Variants in MYH8 observed in about 807,000 individuals in gnomAD.
MYH8 encodes myosin heavy chain 8, also known as myosin-8.
MYH8 carries 168 observed loss-of-function variants against 233.2 expected under a neutral mutation model. That is an observed-to-expected ratio of 0.72 (90% CI 0.64 to 0.82). The LOEUF (loss-of-function observed/expected upper bound fraction) is 0.82, where lower values mean the gene tolerates loss of function less well. MYH8 is among the 40% of genes least tolerant of loss of function. The pLI is 0.00. For missense variants in MYH8, 1,995 were observed against 2,327.8 expected, an observed-to-expected ratio of 0.86 and a Z score of 2.94; for synonymous variants, 785 against 850.6, an observed-to-expected ratio of 0.92 and a Z score of 1.34.
chr17:10,396,986 C>T lies in MYH8; in HGVS notation c.4179G>A (p.Lys1393=). 6.2e-7 allele frequency: 1 copy of T among 1,614,174 alleles called. No individual in the cohort carries two copies. The highest frequency in any genetic ancestry group is 1.1e-5 in the South Asian group (1 of 91,074). ...IQRTEELEEA[K]KKLAQRLQEA... ...CTTGCAGGCGCTGGGCCAACTTTTT[C>T]CTGAAAAGTTAGCCAGGCAGTCAGG... The change falls in exon 31 of 40, where the codon AAG becomes AAA. Residue 1393 remains lysine, a splice_region_variant and synonymous_variant. Transcript: ENST00000403437. This position sits in a 1 kb window ranked among gnomAD's most constrained non-coding sequence, Gnocchi z 4.2.
At position 10,420,220 on chromosome 17, in the gene MYH8, G is replaced by A. The variant is rs1170581501; in HGVS notation, c.8C>T (p.Ala3Val). The stretch of plus-strand genomic sequence containing the variant: ...AACAGCCATCTCAGCGTCTGAGCTC[G>A]CACTCATGGCTGCGATTTATTTAGC... MS[A>V]SSDAEMAVFG... is the part of the protein sequence containing the mutation. The change falls in exon 3 of 40, where the codon GCG (alanine) becomes GTG (valine). Residue 3 changes from alanine to valine, a missense_variant. Physicochemically the swap from Ala to Val is moderately conservative, Grantham distance 64 (BLOSUM62 0). Around this residue, in one of 3 missense-constraint regions of MYH8, gnomAD observed 479 missense variants for 600.9 expected, o/e 0.80. Coordinates refer to ENST00000403437, the MANE Select transcript of MYH8 (RefSeq NM_002472.3). 2.5e-6 allele frequency: 4 copies of A among 1,612,922 alleles called. No individual in the cohort carries two copies. In the South Asian group the frequency reaches 3.3e-5, roughly 13 times the overall value.
intron 37 of MYH8, 40 bp downstream of exon 37, chr17:10,392,791 C>G (rs949402573): frequency 6.2e-7 from 1 of 1,613,994 alleles, no homozygotes; most frequent in Admixed American, 1.7e-5. Flanking sequence ...AGAGAGTGCC[C>G]TTTTTCCCTT....
intron 5 of MYH8, among the ~76,000 whole-genome samples, chr17:10,416,602 T>C (rs1464599094): frequency 6.6e-6 from 1 of 152,238 alleles, no homozygotes; most frequent in African/African-American, 2.4e-5. Flanking sequence ...CTCCAGTTCT[T>C]GTCAAAACTT....
chr17:10,410,784 A>G lies in MYH8; in HGVS notation c.1580T>C (p.Ile527Thr), dbSNP rs769185512. The change falls in exon 15 of 40, where the codon ATT (isoleucine) becomes ACT (threonine). Residue 527 changes from isoleucine to threonine, a missense_variant. Around this residue, in one of 3 missense-constraint regions of MYH8, gnomAD observed 1,498 missense variants for 1,680.9 expected, o/e 0.89. Coordinates refer to ENST00000403437, the MANE Select transcript of MYH8 (RefSeq NM_002472.3). ...TTTGGAAACCAAACCGACCTTCTCA[A>G]TGAGCTCAATGCAGGCAGCCAGGTC... ...GMDLAACIEL[I>T]EKPLGIFSIL... 8.7e-6 allele frequency: 14 copies of G among 1,613,956 alleles called. No individual in the cohort carries two copies. The highest frequency in any genetic ancestry group is 2.2e-5 in the South Asian group (2 of 91,074).
Position 10,417,173 on chromosome 17 carries a change from C to T in MYH8, c.512-1465G>A, listed in dbSNP as rs530432019. ...ATTTCTAAATAATAAAAACAAATGT[C>T]ACTAATTATGTGACTGATATGTTGT... On this transcript the variant is annotated intron_variant, in intron 5 of 39. Transcript: ENST00000403437. The surrounding 1 kb of genome is among the most constrained non-coding windows in gnomAD (Gnocchi z 4.1). Among the ~76,000 whole-genome samples the T allele has an allele frequency of 2.8e-3, 428 of 152,266 alleles. 1 individual carries two copies. Among genetic ancestry groups the T allele is most frequent in the Non-Finnish European group, 5.1e-3 (347 of 68,016 alleles).
Position 10,404,514 on chromosome 17 carries a change from A to C in MYH8, c.2504T>G (p.Leu835Arg). ...MNVKHWPWMK[L>R]FFKIKPLLKS... ...GAGGAGGGGCTTAATCTTGAAAAAG[A>C]GTTTCATCCAGGGCCAGTGCTTGAC... Residue 835 changes from leucine to arginine, a missense_variant, in exon 22 of 40, where the codon CTC becomes CGC. Leu to Arg is a moderately radical substitution (Grantham distance 102). Around this residue, in one of 3 missense-constraint regions of MYH8, gnomAD observed 1,498 missense variants for 1,680.9 expected, o/e 0.89. Transcript: ENST00000403437. 6.2e-7 allele frequency: 1 copy of C among 1,614,008 alleles called. No homozygotes were observed. The highest frequency in any genetic ancestry group is 8.5e-7 in the Non-Finnish European group (1 of 1,179,952).
intron 39 of MYH8, among the ~76,000 whole-genome samples, chr17:10,391,616 G>A (rs1242634760): frequency 6.6e-6 from 1 of 152,104 alleles, no homozygotes; most frequent in Non-Finnish European, 1.5e-5. Flanking sequence ...GGAGGCAGAG[G>A]TTGCAGTGAG....
chr17:10,410,380 G>A (rs36049783), intron 15 of MYH8, among the ~76,000 whole-genome samples: 62,874 of 152,032 alleles, frequency 0.41, 13,917 homozygotes, highest in East Asian at 0.87. Flanking sequence ...TGAACAGATT[G>A]GCTTTCATGA....
Position 10,392,464 on chromosome 17 carries a change from T to G in MYH8, c.5568+78A>C. 3 of 1,269,304 alleles carry G rather than the reference T, an allele frequency of 2.4e-6. No individual in the cohort carries two copies. In the South Asian group the frequency reaches 3.6e-5, roughly 15 times the overall value. The allele number at this position is 1,269,304 out of a possible 1,614,324, so 78.6% of individuals were successfully genotyped here. A position where few individuals can be genotyped will look rare whatever the true frequency, so the allele number is the denominator to read the frequency against. On this transcript the variant is annotated intron_variant, in intron 38 of 39. Coordinates refer to ENST00000403437, the MANE Select transcript of MYH8 (RefSeq NM_002472.3). ...AATGCGTATTTGTTTGTGAGTGGCA[T>G]ATAAATAAATAGTCATAAGGTTTTC...
At chr17:10,408,976 G>A (rs1380923258) in intron 17 of MYH8, 121 bp downstream of exon 17, 11 of 895,132 alleles carry the variant, frequency 1.2e-5, no homozygotes, top group South Asian at 2.9e-5. Context: ...ATACTCTGAC[G>A]AGAGCTGATA....
At position 10,406,787 on chromosome 17, in the gene MYH8, C is replaced by T; in HGVS notation, c.2074G>A (p.Val692Met). 6.2e-7 allele frequency: 1 copy of T among 1,614,154 alleles called. No homozygotes were observed. Among genetic ancestry groups the T allele is most frequent in the Non-Finnish European group, 8.5e-7 (1 of 1,180,010 alleles). The change falls in exon 19 of 40, where the codon GTG (valine) becomes ATG (methionine). Residue 692 changes from valine to methionine, a missense_variant. Val to Met is a conservative substitution (Grantham distance 21, BLOSUM62 1). Coordinates refer to ENST00000403437, the MANE Select transcript of MYH8 (RefSeq NM_002472.3). ...CCATTACACCTCAGCTGGTGCAACA[C>T]AAGTTCATGTTCCATTGCCCCTAAA... Reference protein sequence around the residue: ...KTPGAMEHELVLHQLRCNGVL... With the variant: ...KTPGAMEHELMLHQLRCNGVL...
At chr17:10,412,109 G>A (rs2072248647) in intron 14 of MYH8, among the ~76,000 whole-genome samples, 4 of 152,156 alleles carry the variant, frequency 2.6e-5, no homozygotes. Flanking sequence ...TAAGTTGGGG[G>A]AATATTAGCT....
In MYH8 at chr17:10,391,899, T is replaced by G. The variant is rs1456296377; in HGVS notation, c.5647A>C (p.Arg1883=). Residue 1883 remains arginine, a synonymous_variant, in exon 39 of 40, where the codon AGA becomes CGA. Transcript: ENST00000403437. ...ATACTTACAGCCTCCTCAGCTTGTC[T>G]CTTGTATGATTTCACCTTCGCCTGT... ...KLQAKVKSYK[R]QAEEAEEQSN... 2 of 1,614,040 alleles carry G rather than the reference T, an allele frequency of 1.2e-6. No homozygotes were observed. Among genetic ancestry groups the G allele is most frequent in the Admixed American group, 1.7e-5 (1 of 60,030 alleles).
intron 39 of MYH8, 50 bp from the exon 40 acceptor site, chr17:10,390,653 C>A (rs755377296): frequency 1.3e-6 from 2 of 1,583,692 alleles, no homozygotes; most frequent in South Asian, 2.2e-5. Flanking sequence ...GTTCTCATTG[C>A]ACTTATCACC....
Position 10,390,616 on chromosome 17 carries a change from A to G in MYH8, c.5665-13T>C. On this transcript the variant is annotated splice_polypyrimidine_tract_variant and intron_variant, in intron 39 of 39. Transcript: ENST00000403437. ...TGGATTGTTCCTCCTAAGAATAGAG[A>G]TAAAATTGTGAGAATTAGACTGTGT... is the stretch of plus-strand genomic sequence containing the variant. The G allele has an allele frequency of 1.9e-6, 3 of 1,613,640 alleles. No individual in the cohort carries two copies. Among genetic ancestry groups the G allele is most frequent in the Non-Finnish European group, 2.5e-6 (3 of 1,179,490 alleles).
intron 2 of MYH8, among the ~76,000 whole-genome samples, chr17:10,420,935 G>A (rs547333236): frequency 6.6e-6 from 1 of 152,212 alleles, no homozygotes; most frequent in South Asian, 2.1e-4. Flanking sequence ...TAACCACAGA[G>A]GAATGAGAGC....
chr17:10,390,332 A>T lies in MYH8; in HGVS notation c.*122T>A. 7.7e-7 allele frequency: 1 copy of T among 1,299,354 alleles called. No individual in the cohort carries two copies. Among genetic ancestry groups the T allele is most frequent in the Non-Finnish European group, 1.1e-6 (1 of 899,194 alleles). The allele number at this position is 1,299,354 out of a possible 1,614,324, so 80.5% of individuals were successfully genotyped here. A position where few individuals can be genotyped will look rare whatever the true frequency, so the allele number is the denominator to read the frequency against. Reference sequence around the variant, plus strand: ...AAAATGAAAGTCCGGTTTAATGTATACATTTACTGTAGTTTTTATTTATTC... The same window carrying T: ...AAAATGAAAGTCCGGTTTAATGTATTCATTTACTGTAGTTTTTATTTATTC... On this transcript the variant is annotated 3_prime_UTR_variant, in exon 40 of 40. Transcript: ENST00000403437.
chr17:10,400,479 C>T lies in MYH8; in HGVS notation c.3646G>A (p.Val1216Ile). ...LGEQIDNLQRVKQKLEKEKSE... is the reference protein window; with the variant it reads ...LGEQIDNLQRIKQKLEKEKSE... ...TTCTCCTTCTCCAGCTTCTGTTTGA[C>T]CCGCTGCAAGTTGTCAATCTGCTCC... Residue 1216 changes from valine (V) to isoleucine (I), a missense_variant, in exon 27 of 40, where the codon GTC becomes ATC. By Grantham distance (29) the Val-to-Ile change is conservative (BLOSUM62 3). Coordinates refer to ENST00000403437, the MANE Select transcript of MYH8 (RefSeq NM_002472.3). This position sits in a 1 kb window ranked among gnomAD's most constrained non-coding sequence, Gnocchi z 4.0. The T allele has an allele frequency of 6.2e-7, 1 of 1,614,144 alleles. No individual in the cohort carries two copies. Among genetic ancestry groups the T allele is most frequent in the Non-Finnish European group, 8.5e-7 (1 of 1,180,012 alleles).
chr17:10,420,605 T>C (rs925500748), intron 2 of MYH8, among the ~76,000 whole-genome samples: 1 of 152,252 alleles, frequency 6.6e-6, no homozygotes, highest in African/African-American at 2.4e-5. Flanking sequence ...CTGCATAATG[T>C]TTGTCTATGC....
Sources: gnomAD v4.1 joint callset for allele counts (sites outside exome capture counted in the v4.1 genomes callset) on GRCh38, gnomAD v4.1.1 for gene constraint, gnomAD v4.1.1 regional missense constraint, Gnocchi (gnomAD v3.1) non-coding constraint, MANE v1.5 for transcripts, NCBI Gene and HGNC (gene_info 2026-07-23, HGNC 2026-07-21) for gene names.